The following NRG3 variants were observed in gnomAD, a reference collection of about 807,000 sequenced individuals.
The protein encoded by NRG3 is neuregulin 3, also known as pro-neuregulin-3, membrane-bound isoform.
In NRG3, 31 loss-of-function variants were observed where a neutral mutation model predicts 66.9. That is an observed-to-expected ratio of 0.46 (90% CI 0.35 to 0.63). The LOEUF is 0.63. Among genes scored for constraint, NRG3 ranks in the 20% least tolerant of loss-of-function variants. The pLI, the probability that NRG3 is intolerant of heterozygous loss-of-function variation, is 0.00. For synonymous variants in NRG3, 393 were observed against 359.4 expected, an observed-to-expected ratio of 1.09 and a Z score of -1.06; for missense variants, 910 against 878.9, an observed-to-expected ratio of 1.04 and a Z score of -0.45.
intron 2 of NRG3, among the ~76,000 whole-genome samples, chr10:82,469,138 G>T (rs551469871): frequency 6.6e-6 from 1 of 152,188 alleles, no homozygotes; most frequent in African/African-American, 2.4e-5. Flanking sequence ...TTTTCATTTT[G>T]CTTTTCGAAA....
At chr10:81,896,161 G>A (rs1843507966) in intron 1 of NRG3, among the ~76,000 whole-genome samples, 2 of 152,222 alleles carry the variant, frequency 1.3e-5, no homozygotes, top group South Asian at 4.2e-4. Flanking sequence ...CCAGGCATCT[G>A]GACATGAATT....
intron 1 of NRG3, among the ~76,000 whole-genome samples, chr10:82,005,140 A>G (rs1489239049): frequency 6.6e-6 from 1 of 152,222 alleles, no homozygotes; most frequent in Non-Finnish European, 1.5e-5. Flanking sequence ...AGTGATACAC[A>G]AAGTGTTGTA....
intron 2 of NRG3, among the ~76,000 whole-genome samples, chr10:82,506,905 G>C (rs962487655): frequency 6.6e-6 from 1 of 152,100 alleles, no homozygotes; most frequent in African/African-American, 2.4e-5. Flanking sequence ...ACGTCTCAGG[G>C]TTTTCACACA....
At chr10:82,204,209 T>C (rs759376504) in intron 1 of NRG3, among the ~76,000 whole-genome samples, 8 of 152,218 alleles carry the variant, frequency 5.3e-5, no homozygotes, top group Non-Finnish European at 1.0e-4. Flanking sequence ...TATAAAGATA[T>C]ACATTAATCA....
chr10:82,919,938 A>T (rs897134123), intron 4 of NRG3, among the ~76,000 whole-genome samples: 1 of 152,110 alleles, frequency 6.6e-6, no homozygotes, highest in Non-Finnish European at 1.5e-5. Context: ...AAAAGCACAG[A>T]TAGGAACTAG....
In NRG3 at chr10:82,257,491, C is replaced by T. The variant is rs185986096; in HGVS notation, c.824-101248C>T. 1.2e-4 allele frequency among the ~76,000 whole-genome samples: 19 copies of T among 152,226 alleles called. No individual in the cohort carries two copies. In the East Asian group the frequency reaches 3.5e-3, roughly 28 times the overall value. On this transcript the variant is annotated intron_variant, in intron 1 of 8. Coordinates refer to ENST00000372141, the MANE Select transcript of NRG3 (RefSeq NM_001010848.4). ...AAAAAAGTTATTAAGAATTCTAGGC[C>T]GAGCGTGGTGGCTCATGCCTGTAAT...
intron 2 of NRG3, among the ~76,000 whole-genome samples, chr10:82,362,362 T>C (rs2084209871): frequency 6.7e-6 from 1 of 149,810 alleles, no homozygotes; most frequent in African/African-American, 2.5e-5. Flanking sequence ...TGTGTGTGTG[T>C]GTGTGTGTGT....
chr10:82,824,133 G>C (rs1041959026), intron 3 of NRG3, among the ~76,000 whole-genome samples: 1 of 151,954 alleles, frequency 6.6e-6, no homozygotes, highest in Non-Finnish European at 1.5e-5. Flanking sequence ...TTATACTTAC[G>C]TAGCCTTTTG....
chr10:81,986,816 A>G (rs988788931), intron 1 of NRG3, among the ~76,000 whole-genome samples: 3 of 152,088 alleles, frequency 2.0e-5, no homozygotes, highest in African/African-American at 4.8e-5. Context: ...TTCTGACTAC[A>G]GGTGCATGCC....
At chr10:82,984,806 C>A (rs1853285976) in intron 8 of NRG3, 1 of 1,551,114 alleles carries the variant, frequency 6.4e-7, no homozygotes, top group African/African-American at 1.4e-5. Context: ...AAGACTATAT[C>A]CCACCTGCCT....
At chr10:82,041,666 A>G (rs1278900533) in intron 1 of NRG3, among the ~76,000 whole-genome samples, 1 of 151,994 alleles carries the variant, frequency 6.6e-6, no homozygotes, top group Non-Finnish European at 1.5e-5. Context: ...AATAAGTCAC[A>G]AAGTGTTCCT....
At chr10:82,786,233 T>C (rs2060356851) in intron 3 of NRG3, among the ~76,000 whole-genome samples, 1 of 152,138 alleles carries the variant, frequency 6.6e-6, no homozygotes, top group African/African-American at 2.4e-5. Context: ...CATAAGACTC[T>C]AACCCATTAG....
At chr10:82,498,954 T>G (rs929702044) in intron 2 of NRG3, among the ~76,000 whole-genome samples, 2 of 152,070 alleles carry the variant, frequency 1.3e-5, no homozygotes, top group African/African-American at 4.8e-5. Context: ...AGACTCCAGA[T>G]GAGACTCCAG....
At chr10:82,148,861 T>TC (rs2070463452) in intron 1 of NRG3, among the ~76,000 whole-genome samples, 1 of 152,088 alleles carries the variant, frequency 6.6e-6, no homozygotes, top group African/African-American at 2.4e-5. Flanking sequence ...CATCTCACCA[T>TC]CCACACTTCT....
chr10:82,619,616 A>G (rs901636898), intron 2 of NRG3, among the ~76,000 whole-genome samples: 2 of 152,222 alleles, frequency 1.3e-5, no homozygotes, highest in Non-Finnish European at 2.9e-5. Flanking sequence ...AAAAATGTTT[A>G]CATTGAAGTC....
intron 1 of NRG3, among the ~76,000 whole-genome samples, chr10:82,303,204 TAA>T (rs2080508876): frequency 6.6e-6 from 1 of 152,192 alleles, no homozygotes; most frequent in African/African-American, 2.4e-5. Flanking sequence ...TGGGTTTTAT[TAA>T]AATAGTTCAG....
At chr10:82,019,343 T>C (rs2061945920) in intron 1 of NRG3, among the ~76,000 whole-genome samples, 1 of 152,216 alleles carries the variant, frequency 6.6e-6, no homozygotes, top group Non-Finnish European at 1.5e-5. Flanking sequence ...TTTGCCAGTA[T>C]TTTATTGAGG....
At chr10:82,188,209 A>G (rs1029770711) in intron 1 of NRG3, among the ~76,000 whole-genome samples, 9 of 152,172 alleles carry the variant, frequency 5.9e-5, no homozygotes, top group Non-Finnish European at 1.3e-4. Context: ...CATACACTGT[A>G]GAAAAGACAG....
At chr10:81,880,513 T>A (rs78672792) in intron 1 of NRG3, among the ~76,000 whole-genome samples, 4,055 of 152,326 alleles carry the variant, frequency 0.027, 133 homozygotes, top group African/African-American at 0.076. Context: ...AATCAGTGCC[T>A]TCCTGGGAGA....
Sources: allele counts gnomAD v4.1 joint callset (sites outside exome capture counted in the v4.1 genomes callset), GRCh38; gene constraint gnomAD v4.1.1; transcripts MANE v1.5; gene names NCBI Gene and HGNC (gene_info 2026-07-23, HGNC 2026-07-21).